Variants in TLK1 observed in about 807,000 individuals in gnomAD.
TLK1 encodes tousled like kinase 1.
TLK1 carries 24 observed loss-of-function variants against 105.3 expected under a neutral mutation model. The observed-to-expected ratio is 0.23, with a 90% CI of 0.17 to 0.32. TLK1 has a LOEUF of 0.32. Ranked by LOEUF, TLK1 falls within the 10% of genes least tolerant of loss-of-function variation. TLK1 has a pLI of 1.00. For synonymous variants in TLK1, 321 were observed against 310.4 expected (o/e 1.03, Z -0.36); for missense variants, 558 against 910.5 (o/e 0.61, Z 4.98).
chr2:171,109,712 C>T (rs762471781), intron 2 of TLK1, among the ~76,000 whole-genome samples: 9 of 152,176 alleles, frequency 5.9e-5, no homozygotes, highest in Non-Finnish European at 1.2e-4. Context: ...AACCTTACTC[C>T]TAACAGGCAA....
At chr2:171,163,985 T>TA (rs1241764567), upstream of TLK1, among the ~76,000 whole-genome samples, 1 of 152,162 alleles carries the variant, frequency 6.6e-6, no homozygotes, top group African/African-American at 2.4e-5. Flanking sequence ...CTTGGCCTCT[T>TA]AAAGTGCTAG....
intron 8 of TLK1, among the ~76,000 whole-genome samples, chr2:171,050,432 T>G (rs1425357315): frequency 6.6e-6 from 1 of 152,140 alleles, no homozygotes. Context: ...AAGGTTAACT[T>G]TGGCTAAGTT....
At chr2:171,010,090 C>T (rs1684835694) in intron 14 of TLK1, among the ~76,000 whole-genome samples, 1 of 152,074 alleles carries the variant, frequency 6.6e-6, no homozygotes, top group Non-Finnish European at 1.5e-5. Flanking sequence ...AAAAGCAATG[C>T]CCAAAAGAAG....
At chr2:171,010,339 A>G (rs1443744760) in intron 14 of TLK1, among the ~76,000 whole-genome samples, 1 of 152,236 alleles carries the variant, frequency 6.6e-6, no homozygotes, top group Admixed American at 6.5e-5. Context: ...AGTCAGAAGC[A>G]GTGTTAAAAG....
rs973502988 is a variant in TLK1 at position 171,160,111 on chromosome 2, G to A, written c.139+179C>T. Among the ~76,000 whole-genome samples the A allele has an allele frequency of 3.3e-5, 5 of 150,284 alleles. No homozygotes were observed. Among genetic ancestry groups the A allele is most frequent in the African/African-American group, 1.2e-4 (5 of 41,018 alleles). The stretch of plus-strand genomic sequence containing the variant: ...CGCCACCCGCGAACCACCATCCACA[G>A]CCAGGGCACTACCTCCCCAGAGCCG... On this transcript the variant is annotated intron_variant, in intron 1 of 20. Transcript: ENST00000431350. This position sits in a 1 kb window ranked among gnomAD's most constrained non-coding sequence, Gnocchi z 4.4.
chr2:171,072,385 G>A (rs901019091), intron 3 of TLK1, among the ~76,000 whole-genome samples: 2 of 152,060 alleles, frequency 1.3e-5, no homozygotes, highest in African/African-American at 4.8e-5. Context: ...AGGCCAAGGG[G>A]GGCGGATCAC....
intron 1 of TLK1, among the ~76,000 whole-genome samples, chr2:171,174,050 A>G (rs899251159): frequency 6.6e-6 from 1 of 152,048 alleles, no homozygotes; most frequent in Non-Finnish European, 1.5e-5. Flanking sequence ...CCTTAGTTCA[A>G]ACTTTTATTA....
chr2:171,216,853 A>G (rs1051879244), intron 1 of TLK1, among the ~76,000 whole-genome samples: 3 of 152,354 alleles, frequency 2.0e-5, no homozygotes, highest in Non-Finnish European at 2.9e-5. Context: ...GGCATGCCAA[A>G]GACAGCCAGC....
chr2:171,012,129 TG>T (rs963820246), intron 13 of TLK1, among the ~76,000 whole-genome samples: 3 of 151,706 alleles, frequency 2.0e-5, no homozygotes, highest in African/African-American at 7.3e-5. Context: ...ATCCAAAATC[TG>T]AAATGCTCCA....
At chr2:171,069,082 T>C (rs1046412830) in intron 3 of TLK1, among the ~76,000 whole-genome samples, 4 of 152,220 alleles carry the variant, frequency 2.6e-5, no homozygotes, top group African/African-American at 7.2e-5. Flanking sequence ...AGGTATATCT[T>C]AGATTGGCAA....
intron 18 of TLK1, among the ~76,000 whole-genome samples, chr2:170,999,228 TTTTA>T (rs1301370702): frequency 6.6e-6 from 1 of 152,160 alleles, no homozygotes; most frequent in African/African-American, 2.4e-5. Context: ...TTACTATTTT[TTTTA>T]AAAAATGCAG....
intron 1 of TLK1, among the ~76,000 whole-genome samples, chr2:171,211,641 C>T (rs1301444958): frequency 6.6e-6 from 1 of 152,038 alleles, no homozygotes; most frequent in Admixed American, 6.6e-5. Flanking sequence ...CATCCGCCTC[C>T]CGGGTTCAAG....
In TLK1 at chr2:171,191,070, G is replaced by A. The variant is rs551543338; in HGVS notation, c.-6+40075C>T. ...CAGCACTAGGGAGGCTGAGGCAGGAGAATCACTTGAACCCAGGAGGTGGAG... is the reference window on the plus strand; with the variant it reads ...CAGCACTAGGGAGGCTGAGGCAGGAAAATCACTTGAACCCAGGAGGTGGAG... On this transcript the variant is annotated intron_variant, in intron 1 of 20. Coordinates refer to the TLK1 transcript ENST00000521943. Among the ~76,000 whole-genome samples, 13 of 151,952 alleles carry A rather than the reference G, an allele frequency of 8.6e-5. No homozygotes were observed. The South Asian group carries it at 1.9e-3, about 22-fold the overall frequency.
chr2:171,099,962 T>C (rs1298580192), intron 2 of TLK1, among the ~76,000 whole-genome samples: 2 of 152,214 alleles, frequency 1.3e-5, no homozygotes, highest in East Asian at 3.8e-4. Flanking sequence ...AATGATTTCT[T>C]AGATATGACA....
chr2:171,141,712 T>C (rs1051573384), intron 1 of TLK1, among the ~76,000 whole-genome samples: 17 of 151,986 alleles, frequency 1.1e-4, no homozygotes, highest in Non-Finnish European at 2.4e-4. Context: ...AAGATTTCTG[T>C]ATCCAGCTCC....
intron 11 of TLK1, among the ~76,000 whole-genome samples, chr2:171,038,604 G>C (rs1575540201): frequency 6.6e-6 from 1 of 152,104 alleles, no homozygotes; most frequent in South Asian, 2.1e-4. Context: ...TTTAGTTACA[G>C]ATTTCTAGCT....
chr2:171,001,058 G>T (rs575665902), intron 18 of TLK1, among the ~76,000 whole-genome samples: 4 of 152,244 alleles, frequency 2.6e-5, no homozygotes, highest in Admixed American at 2.0e-4. Flanking sequence ...TTCCTTGACT[G>T]CCTCTGTCAT....
Position 171,109,014 on chromosome 2 carries a change from A to G in TLK1, c.258+8725T>C, listed in dbSNP as rs545620013. ...TAGTATACAGTCACAAAAAGAATAG[A>G]ACAAGAGATACACATGTAAAAATAC... On this transcript the variant is annotated intron_variant, in intron 2 of 20. Coordinates refer to ENST00000431350, the MANE Select transcript of TLK1 (RefSeq NM_012290.5). Among the ~76,000 whole-genome samples, 5 of 152,356 alleles carry G rather than the reference A, an allele frequency of 3.3e-5. No homozygotes were observed. The South Asian group carries it at 1.0e-3, about 32-fold the overall frequency.
At chr2:171,074,975 G>C (rs547063027) in intron 3 of TLK1, among the ~76,000 whole-genome samples, 2 of 151,396 alleles carry the variant, frequency 1.3e-5, no homozygotes, top group African/African-American at 4.9e-5. Context: ...ACAGTAAATC[G>C]ATTTTTAAAG....
Sources: allele counts gnomAD v4.1 joint callset (sites outside exome capture counted in the v4.1 genomes callset), GRCh38; gene constraint gnomAD v4.1.1; non-coding constraint Gnocchi (gnomAD v3.1); transcripts MANE v1.5; gene names NCBI Gene and HGNC (gene_info 2026-07-23, HGNC 2026-07-21).